Variants in FBXO5 observed in about 807,000 individuals in gnomAD.
The protein encoded by FBXO5 is F-box only protein 5.
FBXO5 carries 8 observed loss-of-function variants against 43.3 expected under a neutral mutation model. That is an observed-to-expected ratio of 0.18 (90% CI 0.11 to 0.33). FBXO5 has a LOEUF of 0.33. Ranked by LOEUF, FBXO5 falls within the 10% of genes least tolerant of loss-of-function variation. The probability of loss-of-function intolerance (pLI) is 1.00; values close to 1 mark genes in which losing one functional copy is unlikely to be tolerated. For missense variants in FBXO5, 491 were observed against 535.7 expected, an observed-to-expected ratio of 0.92 and a Z score of 0.82; for synonymous variants, 204 against 193.7, an observed-to-expected ratio of 1.05 and a Z score of -0.44.
intron 1 of FBXO5, among the ~76,000 whole-genome samples, chr6:152,977,488 A>G (rs550996910): frequency 2.2e-4 from 34 of 152,210 alleles, no homozygotes; most frequent in Non-Finnish European, 4.1e-4. Flanking sequence ...AAAGACACAT[A>G]GTATGTGCTC....
chr6:152,975,233 G>A lies in FBXO5; in HGVS notation c.492C>T (p.Leu164=), dbSNP rs747956641. The change falls in exon 2 of 5, where the codon CTC becomes CTT. Residue 164 remains leucine, a synonymous_variant. Coordinates refer to ENST00000229758, the MANE Select transcript of FBXO5 (RefSeq NM_012177.5). ...GACTGTCACCGAAATTCTCCTCCAGGAGGCTACCTTCTTCATGTTCACTGA... is the reference window on the plus strand; with the variant it reads ...GACTGTCACCGAAATTCTCCTCCAGAAGGCTACCTTCTTCATGTTCACTGA... The part of the protein sequence containing the change: ...SGLSEHEEGS[L]LEENFGDSLQ... 6.2e-7 allele frequency: 1 copy of A among 1,614,076 alleles called. No homozygotes were observed. Among genetic ancestry groups the A allele is most frequent in the Non-Finnish European group, 8.5e-7 (1 of 1,179,998 alleles).
chr6:152,979,623 A>G (rs1436301565), intron 1 of FBXO5, among the ~76,000 whole-genome samples: 1 of 152,200 alleles, frequency 6.6e-6, no homozygotes, highest in East Asian at 1.9e-4. Context: ...TTTACAGCAG[A>G]TTTGTCCATT....
intron 1 of FBXO5, 63 bp from the exon 2 acceptor site, chr6:152,975,684 A>C: frequency 1.9e-6 from 2 of 1,026,384 alleles, no homozygotes; most frequent in Non-Finnish European, 1.4e-6. Context: ...CTACTTCTTA[A>C]ATTGGGATAT....
chr6:152,974,788 C>G, intron 2 of FBXO5, 119 bp downstream of exon 2: 1 of 747,270 alleles, frequency 1.3e-6, no homozygotes, highest in Non-Finnish European at 2.1e-6. Context: ...TGGTACTAAG[C>G]ATTTCAGATG....
chr6:152,973,865 T>TAA lies in FBXO5; in HGVS notation c.819-731_819-730dup, dbSNP rs149767529. The TAA allele has an allele frequency of 2.4e-3, 366 of 150,040 alleles. 2 individuals are homozygous for TAA. The highest frequency in any genetic ancestry group is 8.5e-3 in the African/African-American group (346 of 40,862). The allele number at this position is 150,040 out of a possible 1,614,324, so 9.3% of individuals were successfully genotyped here. A position where few individuals can be genotyped will look rare whatever the true frequency, so the allele number is the denominator to read the frequency against. ...GCGAGACTCCGTCCCCAAAAAAAAT[T>TAA]AAAAAAAAAGAAGCTGTTTATATCT... On this transcript the variant is annotated intron_variant, in intron 2 of 4. Transcript: ENST00000229758.
Position 152,975,581 on chromosome 6 carries a change from C to A in FBXO5, c.144G>T (p.Lys48Asn). ...EESSTLSVKM[K>N]CDFNCNHVHS... is the part of the protein sequence containing the mutation. ...GAACATGGTTACAATTAAAATCACA[C>A]TTCATTTTGACAGAAAGGGTAGAAC... The change falls in exon 2 of 5, where the codon AAG becomes AAT. Residue 48 changes from lysine (K) to asparagine (N), a missense_variant. Coordinates refer to ENST00000229758, the MANE Select transcript of FBXO5 (RefSeq NM_012177.5). 1 of 1,608,164 alleles carries A rather than the reference C, an allele frequency of 6.2e-7. No individual in the cohort carries two copies. The highest frequency in any genetic ancestry group is 8.5e-7 in the Non-Finnish European group (1 of 1,178,692).
chr6:152,971,881 C>A (rs956482112), intron 4 of FBXO5, among the ~76,000 whole-genome samples: 3 of 152,088 alleles, frequency 2.0e-5, no homozygotes, highest in Non-Finnish European at 4.4e-5. Flanking sequence ...GCGGAAAATG[C>A]AAAATGTAGT....
Position 152,982,886 on chromosome 6 carries a change from G to A in FBXO5, c.74C>T (p.Thr25Ile). ...CSCSASPSAVTAAGRPRPSDS... is the reference protein window; with the variant it reads ...CSCSASPSAVIAAGRPRPSDS... ...CGAGGGTCGAGGGCGCCCGGCGGCT[G>A]TCACTGCGCTGGGGCTGGCGCTGCA... is the stretch of plus-strand genomic sequence containing the variant. Residue 25 changes from threonine to isoleucine, a missense_variant, in exon 1 of 5, where the codon ACA becomes ATA. Physicochemically the swap from Thr to Ile is moderately conservative, Grantham distance 89. Coordinates refer to ENST00000229758, the MANE Select transcript of FBXO5 (RefSeq NM_012177.5). The A allele has an allele frequency of 6.6e-7, 1 of 1,513,618 alleles. No homozygotes were observed. The highest frequency in any genetic ancestry group is 1.2e-5 in the South Asian group (1 of 82,430). 93.8% of individuals were successfully genotyped at this position (1,513,618 alleles called of 1,614,324 possible).
rs1315112260 is a variant in FBXO5 at position 152,972,429 on chromosome 6, T to A, written c.935A>T (p.His312Leu). Residue 312 changes from histidine (H) to leucine (L), a missense_variant, in exon 4 of 5, where the codon CAT (histidine) becomes CTT (leucine). Physicochemically the swap from His to Leu is moderately conservative, Grantham distance 99. Transcript: ENST00000229758. ...CATAACATATTCTCTGGTTGAAGCATGAGGTGAAAATTTATTGTTGTTTTC... is the reference window on the plus strand; with the variant it reads ...CATAACATATTCTCTGGTTGAAGCAAGAGGTGAAAATTTATTGTTGTTTTC... ...VTENNNKFSPHASTREYVMFR... is the reference protein window; with the variant it reads ...VTENNNKFSPLASTREYVMFR... 1.2e-6 allele frequency: 2 copies of A among 1,600,346 alleles called. No homozygotes were observed. The highest frequency in any genetic ancestry group is 2.7e-5 in the African/African-American group (2 of 74,356).
At chr6:152,978,772 G>A (rs1189638173) in intron 1 of FBXO5, among the ~76,000 whole-genome samples, 1 of 151,998 alleles carries the variant, frequency 6.6e-6, no homozygotes, top group Non-Finnish European at 1.5e-5. Flanking sequence ...GGGACTGCTT[G>A]AGCTCAGGAG....
intron 1 of FBXO5, among the ~76,000 whole-genome samples, chr6:152,978,977 G>A (rs1778219443): frequency 6.6e-6 from 1 of 151,286 alleles, no homozygotes; most frequent in Non-Finnish European, 1.5e-5. Flanking sequence ...GAAGACAGAG[G>A]GAAACCCTGT....
At chr6:152,976,936 T>G (rs964827004) in intron 1 of FBXO5, among the ~76,000 whole-genome samples, 1 of 152,104 alleles carries the variant, frequency 6.6e-6, no homozygotes, top group Non-Finnish European at 1.5e-5. Context: ...CAGCCCCCAC[T>G]CCCAAGATGC....
rs1220018853 is a variant in FBXO5, at chr6:152,975,021, A to T, written c.704T>A (p.Ile235Asn). The change falls in exon 2 of 5, where the codon ATT becomes AAT. Residue 235 changes from isoleucine to asparagine, a missense_variant. Ile to Asn is a moderately radical substitution (Grantham distance 149, BLOSUM62 -3). Coordinates refer to ENST00000229758, the MANE Select transcript of FBXO5 (RefSeq NM_012177.5). Reference protein sequence around the residue: ...ARGNFRLQNIIGRKMGLECVD... With the variant: ...ARGNFRLQNINGRKMGLECVD... ...ACATTCTAGGCCCATTTTTCTGCCA[A>T]TTATATTCTGCAGTCTAAAATTTCC... The T allele has an allele frequency of 6.2e-7, 1 of 1,614,018 alleles. No individual in the cohort carries two copies. Among genetic ancestry groups the T allele is most frequent in the African/African-American group, 1.3e-5 (1 of 74,926 alleles).
chr6:152,978,125 A>T (rs921813721), intron 1 of FBXO5, among the ~76,000 whole-genome samples: 1 of 152,172 alleles, frequency 6.6e-6, no homozygotes, highest in Admixed American at 6.5e-5. Context: ...AACAGATCTT[A>T]CAAATAACAT....
intron 3 of FBXO5, 116 bp downstream of exon 3, chr6:152,972,930 G>T: frequency 4.6e-6 from 3 of 659,024 alleles, no homozygotes; most frequent in Admixed American, 3.2e-5. Flanking sequence ...CCAGTATAAG[G>T]CTGAAATACT....
chr6:152,978,376 TTGGGGGGG>T (rs1778204956), intron 1 of FBXO5, among the ~76,000 whole-genome samples: 2 of 5,706 alleles, frequency 3.5e-4, no homozygotes, highest in East Asian at 0.011. Flanking sequence ...GCTTCATTTT[TTGGGGGGG>T]GGGGGGGGGC....
At chr6:152,981,130 G>A (rs1329879362) in intron 1 of FBXO5, among the ~76,000 whole-genome samples, 1 of 152,160 alleles carries the variant, frequency 6.6e-6, no homozygotes, top group Non-Finnish European at 1.5e-5. Context: ...TCCTTGCTTA[G>A]CCTTTTGACT....
At chr6:152,972,712 C>A in intron 3 of FBXO5, 2 of 475,704 alleles carry the variant, frequency 4.2e-6, no homozygotes, top group South Asian at 6.9e-5. Context: ...TACTTAATAC[C>A]TAAAAAGTAA....
chr6:152,978,387 G>T (rs1164124624), intron 1 of FBXO5, among the ~76,000 whole-genome samples: 1 of 50,794 alleles, frequency 2.0e-5, no homozygotes, highest in Non-Finnish European at 4.1e-5. Flanking sequence ...TGGGGGGGGG[G>T]GGGGGGCGGG....
Sources: gnomAD v4.1 joint callset for allele counts (sites outside exome capture counted in the v4.1 genomes callset) on GRCh38, gnomAD v4.1.1 for gene constraint, MANE v1.5 for transcripts, NCBI Gene and HGNC (gene_info 2026-07-23, HGNC 2026-07-21) for gene names.